The following PYY variants were observed in gnomAD, a reference collection of about 807,000 sequenced individuals.
The protein encoded by PYY is peptide tyrosine tyrosine.
PYY carries 12 observed loss-of-function variants against 10.3 expected under a neutral mutation model. The ratio of observed to expected loss-of-function variants is 1.17; its 90% CI spans 0.75 to 1.89. The LOEUF (loss-of-function observed/expected upper bound fraction) is 1.89, where lower values mean the gene tolerates loss of function less well. Among genes scored for constraint, PYY ranks in the 40% most tolerant of loss-of-function variants. The probability of loss-of-function intolerance (pLI) is 0.00; values close to 1 mark genes in which losing one functional copy is unlikely to be tolerated. For synonymous variants in PYY, 66 were observed against 62.0 expected (o/e 1.06, Z -0.30); for missense variants, 141 against 134.0 (o/e 1.05, Z -0.26).
chr17:43,972,191 T>TTTTATTTATTTA lies in PYY; in HGVS notation c.-462-5671_-462-5660dup, dbSNP rs3080250. 3.1e-3 allele frequency among the ~76,000 whole-genome samples: 433 copies of TTTTATTTATTTA among 138,220 alleles called. 5 individuals carry two copies. In the Middle Eastern group the frequency reaches 0.034, roughly 11 times the overall value. The allele number at this position is 138,220 out of a possible 152,430, so 90.7% of individuals were successfully genotyped here. The stretch of plus-strand genomic sequence containing the variant: ...TTAGTTATTTATTTATTTTATTTTA[T>TTTTATTTATTTA]TTTATTTATTTATTTATTTATTTAT... On this transcript the variant is annotated intron_variant, in intron 1 of 6. Transcript: ENST00000360085.
intron 1 of PYY, among the ~76,000 whole-genome samples, chr17:43,976,172 T>TATATAC (rs1431357861): frequency 3.4e-5 from 3 of 87,012 alleles, no homozygotes; most frequent in African/African-American, 2.9e-4. Flanking sequence ...TGCATGCATA[T>TATATAC]ATGTATATAT....
intron 1 of PYY, among the ~76,000 whole-genome samples, chr17:43,979,478 G>A (rs1752489426): frequency 2.6e-5 from 4 of 151,742 alleles, no homozygotes; most frequent in Admixed American, 2.6e-4. Flanking sequence ...AAATTTAAAG[G>A]ACTTCTTTAA....
intron 1 of PYY, among the ~76,000 whole-genome samples, chr17:43,978,324 AAGG>A: frequency 6.6e-6 from 1 of 150,522 alleles, no homozygotes; most frequent in Admixed American, 6.6e-5. Context: ...GAAGGAAGGG[AAGG>A]GAAGAAAAGG....
chr17:43,980,493 G>A (rs1386049008), intron 1 of PYY, among the ~76,000 whole-genome samples: 1 of 148,602 alleles, frequency 6.7e-6, no homozygotes. Context: ...TGTTTTTTTT[G>A]AGACAGGGTC....
chr17:43,978,081 C>T lies in PYY; in HGVS notation c.-462-11549G>A, dbSNP rs551286732. 2.4e-3 allele frequency among the ~76,000 whole-genome samples: 358 copies of T among 151,762 alleles called. 3 individuals carry two copies. The highest frequency in any genetic ancestry group is 8.0e-3 in the African/African-American group (330 of 41,370). ...CATGGTGGCACGCACCTGTAATCTA[C>T]ACTACTTGGGAGGCTGAGGTGGGAG... On this transcript the variant is annotated intron_variant, in intron 1 of 6. Transcript: ENST00000360085.
rs2048648527 is a variant in PYY, at chr17:43,953,436, C to T, written c.48G>A (p.Leu16=). Reference sequence around the variant, plus strand: ...GCGCCCCTAGGCAGACGAGCAGGGCCAGAAGCACTGTGGTCAAGGCGGGCC... The same window carrying T: ...GCGCCCCTAGGCAGACGAGCAGGGCTAGAAGCACTGTGGTCAAGGCGGGCC... ...RPWPALTTVL[L]ALLVCLGALV... Residue 16 remains leucine, a synonymous_variant, in exon 2 of 4, where the codon CTG becomes CTA. Coordinates refer to ENST00000692052, the MANE Select transcript of PYY (RefSeq NM_001394028.1). The T allele has an allele frequency of 6.8e-6, 11 of 1,612,328 alleles. No homozygotes were observed. Among genetic ancestry groups the T allele is most frequent in the Non-Finnish European group, 9.3e-6 (11 of 1,179,358 alleles).
chr17:43,984,850 G>A (rs2048906337), intron 1 of PYY, among the ~76,000 whole-genome samples: 1 of 152,138 alleles, frequency 6.6e-6, no homozygotes, highest in African/African-American at 2.4e-5. Flanking sequence ...ATTAAATCTC[G>A]ATTTTGCTCT....
chr17:43,986,573 A>G (rs1216063903), intron 1 of PYY, among the ~76,000 whole-genome samples: 1 of 152,210 alleles, frequency 6.6e-6, no homozygotes, highest in East Asian at 1.9e-4. Context: ...GATTTTCAGC[A>G]AGCCACTTTG....
At chr17:43,970,311 C>T (rs1342210193) in intron 1 of PYY, among the ~76,000 whole-genome samples, 4 of 149,574 alleles carry the variant, frequency 2.7e-5, no homozygotes, top group Non-Finnish European at 5.9e-5. Context: ...AGTTCAAGAT[C>T]AGCCTGGGCA....
chr17:43,952,967 C>T lies in PYY; in HGVS notation c.283G>A (p.Asp95Asn), dbSNP rs465407. The T allele has an allele frequency of 4.3e-5, 68 of 1,565,910 alleles. 1 individual carries two copies. The Middle Eastern group carries it at 1.2e-3, about 28-fold the overall frequency. Residue 95 changes from aspartate (D) to asparagine (N), a missense_variant, in exon 4 of 4, where the codon GAC (aspartate) becomes AAC (asparagine). Physicochemically the swap from Asp to Asn is conservative, Grantham distance 23 (BLOSUM62 1). Coordinates refer to ENST00000692052, the MANE Select transcript of PYY (RefSeq NM_001394028.1). Reference sequence around the variant, plus strand: ...GGCCTCAGGGGTCCTCACCACAGGTCTGGGCCCTCCGACCTGCGGAAGCGA... The same window carrying T: ...GGCCTCAGGGGTCCTCACCACAGGTTTGGGCCCTCCGACCTGCGGAAGCGA... ...RPVRSRSEGP[D>N]LW
Position 43,953,351 on chromosome 17 carries a change from G to C in PYY, c.133C>G (p.Leu45Val), listed in dbSNP as rs1032692553. The change falls in exon 2 of 4, where the codon CTG becomes GTG. Residue 45 changes from leucine (L) to valine (V), a missense_variant. Coordinates refer to ENST00000692052, the MANE Select transcript of PYY (RefSeq NM_001394028.1). ...APREDASPEELNRYYASLRHY... is the reference protein window; with the variant it reads ...APREDASPEEVNRYYASLRHY... ...CGCAGGGAGGCGTAGTAGCGGTTCA[G>C]CTCCTCCGGCGAGGCGTCTTCGCGG... The C allele has an allele frequency of 1.9e-6, 3 of 1,612,466 alleles. No homozygotes were observed. Among genetic ancestry groups the C allele is most frequent in the Non-Finnish European group, 2.5e-6 (3 of 1,179,424 alleles).
chr17:43,958,126 T>A (rs1393304618), upstream of PYY: 1 of 17,636 alleles, frequency 5.7e-5, no homozygotes, highest in Non-Finnish European at 1.2e-4. Flanking sequence ...AAGCAGCCAC[T>A]GAATACACCA....
chr17:44,003,449 G>A (rs952086458), intron 1 of PYY, among the ~76,000 whole-genome samples: 2 of 149,788 alleles, frequency 1.3e-5, no homozygotes, highest in African/African-American at 4.9e-5. Flanking sequence ...GAGGTCAGGA[G>A]TTTGAGACAA....
At position 43,989,809 on chromosome 17, in the gene PYY, TAAAAAAAAAAAAAAAAAAAAAA is replaced by T. The variant is rs1174890162; in HGVS notation, c.-463+14560_-463+14581del. Reference sequence around the variant, plus strand: ...GAGACAGACCAAGAGGCTGTCTCTTTAAAAAAAAAAAAAAAAAAAAAAAAAAAAAAAAAAATATATATATATA... The same window carrying T: ...GAGACAGACCAAGAGGCTGTCTCTTTAAAAAAAAAAAAATATATATATATA... On this transcript the variant is annotated intron_variant, in intron 1 of 6. Coordinates refer to the PYY transcript ENST00000360085. Among the ~76,000 whole-genome samples, 10 of 10,502 alleles carry T rather than the reference TAAAAAAAAAAAAAAAAAAAAAA, an allele frequency of 9.5e-4. 2 individuals carry two copies. Among genetic ancestry groups the T allele is most frequent in the African/African-American group, 2.0e-3 (5 of 2,548 alleles). The allele number at this position is 10,502 out of a possible 152,430, so 6.9% of individuals were successfully genotyped here.
chr17:44,001,879 A>T (rs1384238960), intron 1 of PYY, among the ~76,000 whole-genome samples: 1 of 152,194 alleles, frequency 6.6e-6, no homozygotes, highest in Non-Finnish European at 1.5e-5. Flanking sequence ...GCCTGCTGTG[A>T]TGAAGAGCTG....
At chr17:43,973,392 G>A (rs1394277738) in intron 1 of PYY, among the ~76,000 whole-genome samples, 1 of 152,146 alleles carries the variant, frequency 6.6e-6, no homozygotes, top group Non-Finnish European at 1.5e-5. Context: ...ATTGAACATG[G>A]ACACAAACAA....
chr17:43,956,665 C>T (rs1597842250), upstream of PYY, among the ~76,000 whole-genome samples: 1 of 152,212 alleles, frequency 6.6e-6, no homozygotes, highest in Middle Eastern at 3.4e-3. Flanking sequence ...GGACCTGGAC[C>T]CCAGCCAACA....
At chr17:43,995,116 C>T (rs538448729) in intron 1 of PYY, among the ~76,000 whole-genome samples, 2 of 152,274 alleles carry the variant, frequency 1.3e-5, no homozygotes, top group African/African-American at 2.4e-5. Flanking sequence ...ACCTGGGGCG[C>T]AAAGTGGAAT....
At chr17:43,958,048 A>G, upstream of PYY, 1 of 148,772 alleles carries the variant, frequency 6.7e-6, no homozygotes, top group African/African-American at 2.5e-5. Context: ...AGCAGATAGT[A>G]AATATTTTAG....
Sources: gnomAD v4.1 joint callset for allele counts (sites outside exome capture counted in the v4.1 genomes callset) on GRCh38, gnomAD v4.1.1 for gene constraint, MANE v1.5 for transcripts, NCBI Gene and HGNC (gene_info 2026-07-23, HGNC 2026-07-21) for gene names.